PIWIL3: variants seen among roughly 807,000 people sequenced by gnomAD.
PIWIL3 encodes the protein piwi-like protein 3.
A neutral mutation model predicts 109.7 loss-of-function variants in PIWIL3; 101 were observed. That is an observed-to-expected ratio of 0.92 (90% CI 0.78 to 1.09). The LOEUF (loss-of-function observed/expected upper bound fraction) is 1.09. Ranked by LOEUF, PIWIL3 falls within the 50% of genes least tolerant of loss-of-function variation. PIWIL3 has a pLI of 0.00. For synonymous variants in PIWIL3, 373 were observed against 376.4 expected, an observed-to-expected ratio of 0.99 and a Z score of 0.10; for missense variants, 1,031 against 1,072.6, an observed-to-expected ratio of 0.96 and a Z score of 0.54.
intron 12 of PIWIL3, among the ~76,000 whole-genome samples, chr22:24,736,988 G>A (rs867528338): frequency 2.2e-4 from 33 of 152,194 alleles, no homozygotes; most frequent in African/African-American, 8.0e-4. Flanking sequence ...GTGAACCTGA[G>A]AAACAGTTTA....
intron 12 of PIWIL3, among the ~76,000 whole-genome samples, chr22:24,737,008 G>A (rs545026887): frequency 3.3e-5 from 5 of 152,302 alleles, no homozygotes; most frequent in Admixed American, 3.3e-4. Context: ...AGGCCACAAA[G>A]ACTGCAATCC....
intron 12 of PIWIL3, among the ~76,000 whole-genome samples, chr22:24,741,388 C>CA (rs1924000533): frequency 6.6e-6 from 1 of 152,186 alleles, no homozygotes; most frequent in Non-Finnish European, 1.5e-5. Context: ...ACCATAGTCC[C>CA]AGCTATTTGG....
At chr22:24,724,119 C>T (rs1034653000) in intron 18 of PIWIL3, among the ~76,000 whole-genome samples, 1 of 152,146 alleles carries the variant, frequency 6.6e-6, no homozygotes, top group Non-Finnish European at 1.5e-5. Flanking sequence ...TTCTGACTTG[C>T]GTGTGGAACG....
chr22:24,728,110 T>C (rs940249670), intron 15 of PIWIL3, 57 bp from the exon 16 acceptor site: 17 of 1,606,920 alleles, frequency 1.1e-5, no homozygotes, highest in Non-Finnish European at 1.4e-5. Flanking sequence ...ATTTAAGCAT[T>C]AACAATTAAG....
intron 14 of PIWIL3, among the ~76,000 whole-genome samples, chr22:24,731,236 T>A (rs548877061): frequency 1.8e-4 from 28 of 152,292 alleles, no homozygotes; most frequent in African/African-American, 6.3e-4. Flanking sequence ...CAAACCTCCA[T>A]GATTTAGCAG....
In PIWIL3 at chr22:24,749,682, T is replaced by G. The variant is rs751963738; in HGVS notation, c.1216+11A>C. On this transcript the variant is annotated intron_variant, in intron 10 of 20. Transcript: ENST00000616349. ...ACCTGACTTTAAAGAGGGGCTGTAA[T>G]CCATCAGTACCTGTCATGTGGCACA... is the stretch of plus-strand genomic sequence containing the variant. 2.5e-6 allele frequency: 4 copies of G among 1,614,022 alleles called. No individual in the cohort carries two copies. Among genetic ancestry groups the G allele is most frequent in the Non-Finnish European group, 3.4e-6 (4 of 1,179,986 alleles).
At position 24,734,064 on chromosome 22, in the gene PIWIL3, T is replaced by A; in HGVS notation, c.1707+20A>T. On this transcript the variant is annotated intron_variant, in intron 14 of 20. Coordinates refer to ENST00000616349, the MANE Select transcript of PIWIL3 (RefSeq NM_001255975.1). ...GGAACAATAACTAAAAGATTGTACA[T>A]GTATCAACTAGACACTTACCATCTG... The A allele has an allele frequency of 6.3e-7, 1 of 1,597,824 alleles. No homozygotes were observed. The highest frequency in any genetic ancestry group is 8.5e-7 in the Non-Finnish European group (1 of 1,175,206).
chr22:24,738,746 G>A (rs1406964661), intron 12 of PIWIL3, among the ~76,000 whole-genome samples: 4 of 152,156 alleles, frequency 2.6e-5, no homozygotes, highest in African/African-American at 9.7e-5. Flanking sequence ...GCCTTCCCAA[G>A]GAAGATGAAT....
Position 24,719,430 on chromosome 22 carries a change from C to G in PIWIL3, c.*42G>C, listed in dbSNP as rs1922528034. Reference sequence around the variant, plus strand: ...CTGCTTCAAAAGGAAGACAGGCTTACACGTTGTGGTTTCATTAGCACATCA... The same window carrying G: ...CTGCTTCAAAAGGAAGACAGGCTTAGACGTTGTGGTTTCATTAGCACATCA... On this transcript the variant is annotated 3_prime_UTR_variant, in exon 21 of 21. Transcript: ENST00000616349. 1 of 1,394,134 alleles carries G rather than the reference C, an allele frequency of 7.2e-7. No homozygotes were observed. Among genetic ancestry groups the G allele is most frequent in the Non-Finnish European group, 9.8e-7 (1 of 1,020,208 alleles). 86.4% of individuals were successfully genotyped at this position (1,394,134 alleles called of 1,614,324 possible).
chr22:24,757,432 A>G (rs1925115745), intron 4 of PIWIL3, among the ~76,000 whole-genome samples: 1 of 152,102 alleles, frequency 6.6e-6, no homozygotes, highest in Non-Finnish European at 1.5e-5. Flanking sequence ...GCAAGGTGGG[A>G]GGCACCTCTA....
chr22:24,755,813 G>A lies in PIWIL3; in HGVS notation c.663C>T (p.Cys221=). The change falls in exon 6 of 21, where the codon TGC becomes TGT. Residue 221 remains cysteine (C), a synonymous_variant. Transcript: ENST00000616349. The part of the protein sequence containing the change: ...SKELTPTSPD[C]LRYYNILFRR... Reference sequence around the variant, plus strand: ...TAAAGAGAATGTTGTAATAGCGTAGGCAATCTGGCGACGTGGGCGTGAGTT... The same window carrying A: ...TAAAGAGAATGTTGTAATAGCGTAGACAATCTGGCGACGTGGGCGTGAGTT... 1 of 1,613,986 alleles carries A rather than the reference G, an allele frequency of 6.2e-7. No individual in the cohort carries two copies. The highest frequency in any genetic ancestry group is 8.5e-7 in the Non-Finnish European group (1 of 1,179,956).
At chr22:24,751,099 G>A (rs1245822544) in intron 9 of PIWIL3, among the ~76,000 whole-genome samples, 1 of 151,770 alleles carries the variant, frequency 6.6e-6, no homozygotes, top group Non-Finnish European at 1.5e-5. Flanking sequence ...ATTCCAGCCT[G>A]GGAGACGGAA....
chr22:24,756,198 G>C (rs529855017), intron 5 of PIWIL3, among the ~76,000 whole-genome samples: 186 of 151,984 alleles, frequency 1.2e-3, no homozygotes, highest in Non-Finnish European at 2.3e-3. Context: ...TGCTAGGAGT[G>C]GGGGGCTGAA....
chr22:24,752,593 TTTCTC>T (rs149636210), intron 8 of PIWIL3, among the ~76,000 whole-genome samples: 1,869 of 152,190 alleles, frequency 0.012, 39 homozygotes, highest in African/African-American at 0.043. Context: ...AGGGGGCACT[TTTCTC>T]TTCTTTCACC....
chr22:24,750,797 T>C (rs986460007), intron 9 of PIWIL3, among the ~76,000 whole-genome samples: 1 of 149,718 alleles, frequency 6.7e-6, no homozygotes, highest in African/African-American at 2.5e-5. Flanking sequence ...CCATATTTGA[T>C]TATCTACCAA....
At chr22:24,724,701 T>A (rs1424268330) in intron 18 of PIWIL3, among the ~76,000 whole-genome samples, 186 bp downstream of exon 18, 1 of 152,006 alleles carries the variant, frequency 6.6e-6, no homozygotes, top group Admixed American at 6.6e-5. Context: ...CCTCCCAAAG[T>A]GCTGGGATTA....
At chr22:24,739,714 G>A (rs570801880) in intron 12 of PIWIL3, among the ~76,000 whole-genome samples, 1 of 152,182 alleles carries the variant, frequency 6.6e-6, no homozygotes, top group Non-Finnish European at 1.5e-5. Context: ...AGAAAAAGAG[G>A]AATGTTGAGG....
intron 19 of PIWIL3, among the ~76,000 whole-genome samples, chr22:24,720,421 A>G (rs1490849255): frequency 2.0e-5 from 3 of 151,368 alleles, no homozygotes; most frequent in East Asian, 3.9e-4. Context: ...ACAGGCGCCC[A>G]CCACCACACC....
In PIWIL3 at chr22:24,760,780, C is replaced by CAAAAAAAAAAAAAAAAAAAAAAA. The variant is rs61469163; in HGVS notation, c.103-814_103-792dup. On this transcript the variant is annotated intron_variant, in intron 2 of 20. Transcript: ENST00000616349. ...GGGCAACAAGAGCGAAACTCTGTCT[C>CAAAAAAAAAAAAAAAAAAAAAAA]AAAAAAAAAAAAAAAAAAAAAAAGC... Among the ~76,000 whole-genome samples, 49 of 41,018 alleles carry CAAAAAAAAAAAAAAAAAAAAAAA rather than the reference C, an allele frequency of 1.2e-3. 4 individuals carry two copies. Among genetic ancestry groups the CAAAAAAAAAAAAAAAAAAAAAAA allele is most frequent in the Middle Eastern group, 0.016 (1 of 62 alleles). 26.9% of individuals were successfully genotyped at this position (41,018 alleles called of 152,430 possible).
Sources: allele counts gnomAD v4.1 joint callset (sites outside exome capture counted in the v4.1 genomes callset), GRCh38; gene constraint gnomAD v4.1.1; transcripts MANE v1.5; gene names NCBI Gene and HGNC (gene_info 2026-07-23, HGNC 2026-07-21).